The following MACROD2 variants were observed in gnomAD, a reference collection of about 807,000 sequenced individuals.
MACROD2 encodes ADP-ribose glycohydrolase MACROD2.
MACROD2 carries 36 observed loss-of-function variants against 70.4 expected under a neutral mutation model. The ratio of observed to expected loss-of-function variants is 0.51; its 90% CI spans 0.39 to 0.68. The LOEUF is 0.68. Among genes scored for constraint, MACROD2 ranks in the 30% least tolerant of loss-of-function variants. The pLI is 0.00. For synonymous variants in MACROD2, 172 were observed against 178.8 expected (o/e 0.96, Z 0.30); for missense variants, 496 against 538.4 (o/e 0.92, Z 0.78).
chr20:14,283,008 C>T (rs6110227), intron 3 of MACROD2, among the ~76,000 whole-genome samples: 3,049 of 152,200 alleles, frequency 0.02, 92 homozygotes, highest in African/African-American at 0.071. Context: ...TCATACTGGA[C>T]ACAACTGTAG....
At chr20:14,820,838 G>A (rs1029381204) in intron 5 of MACROD2, among the ~76,000 whole-genome samples, 11 of 151,902 alleles carry the variant, frequency 7.2e-5, no homozygotes, top group Admixed American at 6.6e-4. Flanking sequence ...TTAAGCTGCC[G>A]TGACTCTCTG....
chr20:15,697,918 C>T (rs1326063470), intron 8 of MACROD2, among the ~76,000 whole-genome samples: 1 of 152,192 alleles, frequency 6.6e-6, no homozygotes, highest in African/African-American at 2.4e-5. Flanking sequence ...TGCCTGTTTC[C>T]ACCCCTTTAC....
At chr20:14,819,118 T>G (rs1008899139) in intron 5 of MACROD2, among the ~76,000 whole-genome samples, 1 of 151,340 alleles carries the variant, frequency 6.6e-6, no homozygotes, top group Non-Finnish European at 1.5e-5. Context: ...TACAGAAAAA[T>G]TGCTGGGTGT....
At position 14,694,498 on chromosome 20, in the gene MACROD2, A is replaced by G. The variant is rs554753154; in HGVS notation, c.418+9539A>G. Among the ~76,000 whole-genome samples the G allele has an allele frequency of 1.3e-4, 20 of 152,298 alleles. 1 individual carries two copies. In the South Asian group the frequency reaches 4.1e-3, roughly 32 times the overall value. ...AACCCTCTTATAGAAGTATGGTGAGAATTTAATAACTGTTAAGTGAGATGA... is the reference window on the plus strand; with the variant it reads ...AACCCTCTTATAGAAGTATGGTGAGGATTTAATAACTGTTAAGTGAGATGA... On this transcript the variant is annotated intron_variant, in intron 5 of 17. Transcript: ENST00000684519.
intron 3 of MACROD2, among the ~76,000 whole-genome samples, chr20:14,398,060 AT>A (rs1600199577): frequency 6.6e-6 from 1 of 151,796 alleles, no homozygotes; most frequent in East Asian, 1.9e-4. Context: ...TGGATTTTTC[AT>A]TTTTTATTGA....
intron 5 of MACROD2, among the ~76,000 whole-genome samples, chr20:14,989,134 TTTA>T: frequency 6.6e-6 from 1 of 152,290 alleles, no homozygotes; most frequent in East Asian, 1.9e-4. Flanking sequence ...CATATAGAAT[TTTA>T]GCTTTTTTGG....
intron 3 of MACROD2, among the ~76,000 whole-genome samples, chr20:14,412,947 A>G (rs1381075105): frequency 6.6e-6 from 1 of 152,208 alleles, no homozygotes; most frequent in African/African-American, 2.4e-5. Flanking sequence ...ACAGTGACTC[A>G]AGACTGTAAT....
At chr20:15,812,028 A>AT (rs1282228498) in intron 8 of MACROD2, among the ~76,000 whole-genome samples, 3 of 152,246 alleles carry the variant, frequency 2.0e-5, no homozygotes, top group Non-Finnish European at 4.4e-5. Flanking sequence ...CAACTGCATG[A>AT]GAAGCCTGAT....
Position 14,326,794 on chromosome 20 carries a change from G to A in MACROD2, c.272-166685G>A, listed in dbSNP as rs1679398864. ...GCCTGGAAGGTTTACTGGTGCAGCA[G>A]TCAGGGAATTCCGCACCAGGGACAG... On this transcript the variant is annotated intron_variant, in intron 3 of 17. Transcript: ENST00000684519. The surrounding 1 kb of genome is among the most constrained non-coding windows in gnomAD (Gnocchi z 5.5). 1 of 1,613,692 alleles carries A rather than the reference G, an allele frequency of 6.2e-7. No individual in the cohort carries two copies. The highest frequency in any genetic ancestry group is 1.3e-5 in the African/African-American group (1 of 74,918).
At chr20:14,039,922 G>A (rs980182772) in intron 2 of MACROD2, among the ~76,000 whole-genome samples, 2 of 151,936 alleles carry the variant, frequency 1.3e-5, no homozygotes, top group Non-Finnish European at 1.5e-5. Context: ...CAGTGATGTC[G>A]CTAATCTATG....
intron 5 of MACROD2, among the ~76,000 whole-genome samples, chr20:14,998,723 T>C (rs1173698117): frequency 6.6e-6 from 1 of 152,126 alleles, no homozygotes; most frequent in African/African-American, 2.4e-5. Context: ...TTTAAAGGGA[T>C]AATAACAGAG....
chr20:14,754,638 C>A (rs1001321063), intron 5 of MACROD2, among the ~76,000 whole-genome samples: 2 of 151,970 alleles, frequency 1.3e-5, no homozygotes, highest in Non-Finnish European at 2.9e-5. Context: ...ATTGAAGACT[C>A]TGGGGTCCTA....
intron 5 of MACROD2, among the ~76,000 whole-genome samples, chr20:14,746,560 A>G (rs2071802452): frequency 6.6e-6 from 1 of 152,144 alleles, no homozygotes; most frequent in African/African-American, 2.4e-5. Flanking sequence ...TAAGGATATG[A>G]TAGAAACTAT....
At chr20:15,474,955 T>G (rs535281078) in intron 7 of MACROD2, among the ~76,000 whole-genome samples, 1 of 151,902 alleles carries the variant, frequency 6.6e-6, no homozygotes, top group South Asian at 2.1e-4. Flanking sequence ...TACGGTCAGC[T>G]CTCTGTACCT....
chr20:14,926,565 C>G (rs1446322298), intron 5 of MACROD2, among the ~76,000 whole-genome samples: 3 of 150,126 alleles, frequency 2.0e-5, no homozygotes, highest in Non-Finnish European at 3.0e-5. Context: ...AAAAAGGAAG[C>G]ATTATGTTTG....
At chr20:14,151,811 C>CTTTTT (rs144065987) in intron 3 of MACROD2, among the ~76,000 whole-genome samples, 2 of 59,216 alleles carry the variant, frequency 3.4e-5, no homozygotes, top group African/African-American at 7.0e-5. Flanking sequence ...TGTATTGTAT[C>CTTTTT]TTTTTTTTTT....
intron 6 of MACROD2, among the ~76,000 whole-genome samples, chr20:15,317,070 G>A (rs1437007344): frequency 2.6e-5 from 4 of 152,024 alleles, no homozygotes; most frequent in Non-Finnish European, 5.9e-5. Flanking sequence ...TGCTCAGAGG[G>A]TGACTTATAG....
In MACROD2 at chr20:15,135,892, A is replaced by C. The variant is rs552409766; in HGVS notation, c.419-94048A>C. ...TCTCAGGATACAAAATCAATGTACC[A>C]AAATCACAAGCATTCTTATACACCA... is the stretch of plus-strand genomic sequence containing the variant. On this transcript the variant is annotated intron_variant, in intron 5 of 17. Transcript: ENST00000684519. Among the ~76,000 whole-genome samples, 30 of 152,078 alleles carry C rather than the reference A, an allele frequency of 2.0e-4. No individual in the cohort carries two copies. In the South Asian group the frequency reaches 6.0e-3, roughly 31 times the overall value.
chr20:14,908,314 C>G (rs543772078), intron 5 of MACROD2, among the ~76,000 whole-genome samples: 23 of 151,964 alleles, frequency 1.5e-4, no homozygotes, highest in African/African-American at 5.1e-4. Context: ...GCACTCCAGC[C>G]TGGGTGACCG....
Sources: allele counts gnomAD v4.1 joint callset (sites outside exome capture counted in the v4.1 genomes callset), GRCh38; gene constraint gnomAD v4.1.1; non-coding constraint Gnocchi (gnomAD v3.1); transcripts MANE v1.5; gene names NCBI Gene and HGNC (gene_info 2026-07-23, HGNC 2026-07-21).